Variants in IL1RAPL2 observed in about 807,000 individuals in gnomAD.
IL1RAPL2 encodes the protein X-linked interleukin-1 receptor accessory protein-like 2.
In IL1RAPL2, 3 loss-of-function variants were observed where a neutral mutation model predicts 44.1. The ratio of observed to expected loss-of-function variants is 0.07; its 90% CI spans 0.03 to 0.18. The LOEUF is 0.18. Among genes scored for constraint, IL1RAPL2 ranks in the 10% least tolerant of loss-of-function variants. IL1RAPL2 has a pLI of 1.00. For synonymous variants in IL1RAPL2, 181 were observed against 178.8 expected, an observed-to-expected ratio of 1.01 and a Z score of -0.10; for missense variants, 391 against 496.4, an observed-to-expected ratio of 0.79 and a Z score of 2.02.
chrX:105,363,304 AT>A (rs1408278389), intron 5 of IL1RAPL2, among the ~76,000 whole-genome samples: 3 of 76,001 alleles, frequency 3.9e-5, no homozygotes, highest in African/African-American at 3.3e-4. Context: ...ATATATATAT[AT>A]ATAATATATA....
intron 1 of IL1RAPL2, among the ~76,000 whole-genome samples, chrX:104,575,999 G>T (rs1258873735): frequency 8.9e-6 from 1 of 111,949 alleles, no homozygotes; most frequent in Non-Finnish European, 1.9e-5. Flanking sequence ...ATGGGTAGTT[G>T]TGACACAGAA....
chrX:104,863,487 C>T, intron 2 of IL1RAPL2, among the ~76,000 whole-genome samples: 1 of 111,916 alleles, frequency 8.9e-6, no homozygotes, highest in Non-Finnish European at 1.9e-5. Flanking sequence ...ATGCCCTTTC[C>T]CTTTTTCTCC....
chrX:105,445,982 T>A (rs1461865584), intron 5 of IL1RAPL2, among the ~76,000 whole-genome samples: 1 of 111,691 alleles, frequency 9.0e-6, no homozygotes, highest in East Asian at 2.8e-4. Flanking sequence ...GTGCTGAAAG[T>A]GAAGTGTGTA....
chrX:105,046,473 A>G (rs2031838433), intron 2 of IL1RAPL2, among the ~76,000 whole-genome samples: 1 of 111,707 alleles, frequency 9.0e-6, no homozygotes. Context: ...CAGTGCTTAC[A>G]GACATCACTA....
At chrX:105,212,186 A>G (rs1332394836) in intron 3 of IL1RAPL2, among the ~76,000 whole-genome samples, 1 of 112,483 alleles carries the variant, frequency 8.9e-6, no homozygotes, top group African/African-American at 3.2e-5. Context: ...TCCCACTCCC[A>G]CAGAGCCCAG....
At chrX:105,624,504 C>T (rs1368490519) in intron 6 of IL1RAPL2, among the ~76,000 whole-genome samples, 1 of 111,338 alleles carries the variant, frequency 9.0e-6, no homozygotes, top group Non-Finnish European at 1.9e-5. Context: ...CCATTTTGTG[C>T]CTAGTTTGTG....
chrX:105,639,868 A>C (rs768302487), intron 6 of IL1RAPL2, among the ~76,000 whole-genome samples: 1 of 111,583 alleles, frequency 9.0e-6, no homozygotes, highest in Admixed American at 9.6e-5. Context: ...CATGAAGCCT[A>C]TTGGCAGAAA....
intron 5 of IL1RAPL2, among the ~76,000 whole-genome samples, chrX:105,469,704 G>A (rs1367154790): frequency 9.0e-6 from 1 of 110,606 alleles, no homozygotes; most frequent in Non-Finnish European, 1.9e-5. Flanking sequence ...AAAGGACTAT[G>A]AAGCCAGACT....
chrX:104,772,520 G>A (rs768802765), intron 2 of IL1RAPL2, among the ~76,000 whole-genome samples: 6 of 111,734 alleles, frequency 5.4e-5, no homozygotes, highest in Admixed American at 9.5e-5. Context: ...TAAAGCTATC[G>A]GTTATTTGGT....
At chrX:105,249,304 T>C (rs1318263397) in intron 4 of IL1RAPL2, among the ~76,000 whole-genome samples, 3 of 110,437 alleles carry the variant, frequency 2.7e-5, no homozygotes, top group Non-Finnish European at 5.7e-5. Context: ...ACAATGGAAC[T>C]CCTAGACACA....
intron 2 of IL1RAPL2, among the ~76,000 whole-genome samples, chrX:104,831,363 T>G (rs1921601110): frequency 8.9e-6 from 1 of 111,948 alleles, no homozygotes; most frequent in African/African-American, 3.2e-5. Flanking sequence ...ATTTGTCAGA[T>G]TCTATTCTAA....
chrX:104,792,165 G>A (rs1474089034), intron 2 of IL1RAPL2, among the ~76,000 whole-genome samples: 1 of 110,885 alleles, frequency 9.0e-6, no homozygotes, highest in Non-Finnish European at 1.9e-5. Context: ...GAAGGGACTA[G>A]CCTAACAGAA....
At chrX:105,181,089 A>G (rs1328944608) in intron 2 of IL1RAPL2, among the ~76,000 whole-genome samples, 1 of 111,129 alleles carries the variant, frequency 9.0e-6, no homozygotes, top group African/African-American at 3.3e-5. Context: ...GACTTTATGT[A>G]TTTCCTCTAG....
chrX:104,851,802 A>T (rs1248994767), intron 2 of IL1RAPL2, among the ~76,000 whole-genome samples: 1 of 111,826 alleles, frequency 8.9e-6, no homozygotes, highest in South Asian at 3.8e-4. Context: ...GTATCACAAC[A>T]TGACAGAGAA....
chrX:104,830,195 C>G (rs145914158), intron 2 of IL1RAPL2, among the ~76,000 whole-genome samples: 2 of 111,244 alleles, frequency 1.8e-5, no homozygotes, highest in African/African-American at 6.5e-5. Context: ...GGACACAGAA[C>G]GGGCAAAGAC....
intron 7 of IL1RAPL2, among the ~76,000 whole-genome samples, chrX:105,727,723 G>A (rs2038363676): frequency 8.9e-6 from 1 of 111,820 alleles, no homozygotes; most frequent in Non-Finnish European, 1.9e-5. Context: ...AGTCAATAAT[G>A]AGAAATAATG....
chrX:105,026,104 T>C (rs1982254013), intron 2 of IL1RAPL2, among the ~76,000 whole-genome samples: 1 of 110,635 alleles, frequency 9.0e-6, no homozygotes. Flanking sequence ...AGCACTGGAA[T>C]ACAACCATGA....
intron 6 of IL1RAPL2, among the ~76,000 whole-genome samples, chrX:105,488,075 A>T (rs780697811): frequency 3.6e-5 from 4 of 112,175 alleles, no homozygotes; most frequent in Non-Finnish European, 7.5e-5. Flanking sequence ...AAATCACATT[A>T]CTTAAAATTT....
At chrX:105,684,814 C>G (rs1219218768) in intron 6 of IL1RAPL2, among the ~76,000 whole-genome samples, 3 of 105,729 alleles carry the variant, frequency 2.8e-5, no homozygotes, top group African/African-American at 1.0e-4. Flanking sequence ...CAGCTGCCCT[C>G]TGGGATGAAG....
Sources: allele counts gnomAD v4.1 joint callset (sites outside exome capture counted in the v4.1 genomes callset), GRCh38; gene constraint gnomAD v4.1.1; transcripts MANE v1.5; gene names NCBI Gene and HGNC (gene_info 2026-07-23, HGNC 2026-07-21).